The following TBX10 variants were observed in gnomAD, a reference collection of about 807,000 sequenced individuals.
TBX10 encodes the protein T-box transcription factor 10.
A neutral mutation model predicts 32.4 loss-of-function variants in TBX10; 26 were observed. That is an observed-to-expected ratio of 0.80 (90% CI 0.59 to 1.11). TBX10 has a LOEUF of 1.11. Ranked by LOEUF, TBX10 falls within the 50% of genes most tolerant of loss-of-function variation. TBX10 has a pLI of 0.00. For synonymous variants in TBX10, 195 were observed against 203.1 expected, an observed-to-expected ratio of 0.96 and a Z score of 0.34; for missense variants, 490 against 494.5, an observed-to-expected ratio of 0.99 and a Z score of 0.09.
rs763866445 is a variant in TBX10 at position 67,631,737 on chromosome 11, C to A, written c.1026G>T (p.Arg342Ser). 1.2e-6 allele frequency: 2 copies of A among 1,610,204 alleles called. No homozygotes were observed. Among genetic ancestry groups the A allele is most frequent in the Non-Finnish European group, 1.7e-6 (2 of 1,178,672 alleles). Residue 342 changes from arginine to serine, a missense_variant, in exon 8 of 8, where the codon AGG (arginine) becomes AGT (serine). Transcript: ENST00000335385. ...SGAPSHLGIP[R>S]TRPAPYPLPN... ...GGAGGGGGTATGGTGCTGGTCGGGTCCTTGGGATCCCTAGGTGGCTCGGGG... is the reference window on the plus strand; with the variant it reads ...GGAGGGGGTATGGTGCTGGTCGGGTACTTGGGATCCCTAGGTGGCTCGGGG...
rs1290138098 is a variant in TBX10, at chr11:67,631,543, G to T, written c.*62C>A. 5.2e-6 allele frequency: 8 copies of T among 1,542,826 alleles called. No homozygotes were observed. The highest frequency in any genetic ancestry group is 6.1e-6 in the Non-Finnish European group (7 of 1,149,260). On this transcript the variant is annotated 3_prime_UTR_variant, in exon 8 of 8. Transcript: ENST00000335385. ...TGGGGCTGGAGGGGGCGGGGCAGAG[G>T]CTGATTCCCACACCCGGTGTAAGGT...
rs762991674 is a variant in TBX10 at position 67,632,649 on chromosome 11, TG to T, written c.726del (p.Ser243AlafsTer39). On this transcript the variant is annotated frameshift_variant, in exon 6 of 8. Transcript: ENST00000335385. LOFTEE classifies it high-confidence loss of function. ...CTAAAGCCTTTGGCAAAAGGGTTGCTGGCGATTTTCAGCTGGGTGATCTGCA... is the reference window on the plus strand; with the variant it reads ...CTAAAGCCTTTGGCAAAAGGGTTGCTGCGATTTTCAGCTGGGTGATCTGCA... ...QNHRITQLKI[A>X]SNPFAKGFRE... 1 of 1,614,078 alleles carries T rather than the reference TG, an allele frequency of 6.2e-7. No homozygotes were observed. Among genetic ancestry groups the T allele is most frequent in the African/African-American group, 1.3e-5 (1 of 75,066 alleles).
At chr11:67,639,392 T>C in intron 1 of TBX10, 74 bp downstream of exon 1, 1 of 763,534 alleles carries the variant, frequency 1.3e-6, no homozygotes, top group Non-Finnish European at 2.4e-6. Flanking sequence ...GCTGTCTTGG[T>C]TCCCACCCTG....
chr11:67,632,542 C>A, intron 6 of TBX10, 61 bp downstream of exon 6: 2 of 1,601,110 alleles, frequency 1.2e-6, no homozygotes, highest in Non-Finnish European at 1.7e-6. Flanking sequence ...GGGTCAGGAA[C>A]TGAGGCCTTA....
At chr11:67,641,239 T>A (rs1003342453), upstream of TBX10, among the ~76,000 whole-genome samples, 1 of 151,002 alleles carries the variant, frequency 6.6e-6, no homozygotes, top group Non-Finnish European at 1.5e-5. Flanking sequence ...GATACGTGTG[T>A]GTGTGCGATT....
chr11:67,631,658 C>T lies in TBX10; in HGVS notation c.1105G>A (p.Gly369Arg). The T allele has an allele frequency of 6.2e-7, 1 of 1,606,444 alleles. No individual in the cohort carries two copies. The highest frequency in any genetic ancestry group is 8.5e-7 in the Non-Finnish European group (1 of 1,178,012). The change falls in exon 8 of 8, where the codon GGG (glycine) becomes AGG (arginine). Residue 369 changes from glycine to arginine, a missense_variant. By Grantham distance (125) the Gly-to-Arg change is moderately radical. This residue lies in a region of TBX10 where 177 missense variants were observed against 176.6 expected (regional missense o/e 1.00). Coordinates refer to ENST00000335385, the MANE Select transcript of TBX10 (RefSeq NM_005995.5). The stretch of plus-strand genomic sequence containing the variant: ...CACACCACAGTGGGGGACAGGAGCC[C>T]CAGCCCAGCTGGGAGAGGCAGGCCT... ...QGGLPLPAGL[G>R]LLSPTVVCLG...
rs755019737 is a variant in TBX10, at chr11:67,631,760, G to A, written c.1003C>T (p.Pro335Ser). The A allele has an allele frequency of 1.2e-6, 2 of 1,607,456 alleles. No homozygotes were observed. Among genetic ancestry groups the A allele is most frequent in the Non-Finnish European group, 1.7e-6 (2 of 1,177,518 alleles). The change falls in exon 8 of 8, where the codon CCG becomes TCG. Residue 335 changes from proline (P) to serine (S), a missense_variant. By Grantham distance (74) the Pro-to-Ser change is moderately conservative. This residue lies in a region of TBX10 where 177 missense variants were observed against 176.6 expected (regional missense o/e 1.00). Transcript: ENST00000335385. ...VTYQSLYSGA[P>S]SHLGIPRTRP... ...GTCCTTGGGATCCCTAGGTGGCTCG[G>A]GGCTCCAGAGTACAGGCTCTGATAC...
At chr11:67,639,031 A>G (rs1855369291) in intron 1 of TBX10, among the ~76,000 whole-genome samples, 1 of 151,982 alleles carries the variant, frequency 6.6e-6, no homozygotes, top group Non-Finnish European at 1.5e-5. Context: ...GCCCCTCAAC[A>G]CTTTCAGGGA....
At chr11:67,640,035 G>A (rs571977507), upstream of TBX10, among the ~76,000 whole-genome samples, 5 of 152,286 alleles carry the variant, frequency 3.3e-5, no homozygotes, top group East Asian at 7.7e-4. Context: ...AGCAGATTGC[G>A]GGCTGAATGG....
chr11:67,640,819 T>C (rs919078271), upstream of TBX10, among the ~76,000 whole-genome samples: 1 of 152,038 alleles, frequency 6.6e-6, no homozygotes, highest in Non-Finnish European at 1.5e-5. Context: ...CTGAGCGCTA[T>C]GTTCTGGGCG....
rs1855374118 is a variant in TBX10, at chr11:67,639,396, C to T, written c.7+70G>A. 29 of 747,304 alleles carry T rather than the reference C, an allele frequency of 3.9e-5. No homozygotes were observed. In the South Asian group the frequency reaches 4.0e-4, roughly 10 times the overall value. The allele number at this position is 747,304 out of a possible 1,614,324, so 46.3% of individuals were successfully genotyped here. A position where few individuals can be genotyped will look rare whatever the true frequency, so the allele number is the denominator to read the frequency against. On this transcript the variant is annotated intron_variant, in intron 1 of 7. Coordinates refer to ENST00000335385, the MANE Select transcript of TBX10 (RefSeq NM_005995.5). ...GGTTCAGCGGGGCTGTCTTGGTTCC[C>T]ACCCTGCCCACCCACCCTGGAACCT...
At chr11:67,632,891 A>T (rs2134098454) in intron 5 of TBX10, 57 bp downstream of exon 5, 1 of 1,613,402 alleles carries the variant, frequency 6.2e-7, no homozygotes, top group East Asian at 2.2e-5. Context: ...CTCAGGGCTC[A>T]GTCTCCACCC....
chr11:67,639,347 C>T, intron 1 of TBX10, 119 bp downstream of exon 1: 3 of 1,453,810 alleles, frequency 2.1e-6, no homozygotes, highest in South Asian at 1.2e-5. Context: ...GGTGCCCCTG[C>T]CCCACCCTCT....
chr11:67,639,224 A>C (rs1249068335), intron 1 of TBX10, among the ~76,000 whole-genome samples: 4 of 152,170 alleles, frequency 2.6e-5, no homozygotes, highest in Admixed American at 2.6e-4. Context: ...CCGAGGTCAC[A>C]CGTGCCCAGT....
chr11:67,635,394 C>T, intron 1 of TBX10, 131 bp from the exon 2 acceptor site: 4 of 1,307,726 alleles, frequency 3.1e-6, no homozygotes, highest in Non-Finnish European at 4.3e-6. Context: ...CACAGGATCC[C>T]CCACTCAGCA....
At chr11:67,633,451 C>T (rs1208905981) in intron 4 of TBX10, among the ~76,000 whole-genome samples, 1 of 152,116 alleles carries the variant, frequency 6.6e-6, no homozygotes, top group Admixed American at 6.5e-5. Context: ...GCCCGGGAAG[C>T]CACATCATAT....
upstream of TBX10, among the ~76,000 whole-genome samples, chr11:67,641,151 G>A (rs1245397954): frequency 6.6e-6 from 1 of 151,994 alleles, no homozygotes; most frequent in East Asian, 1.9e-4. Flanking sequence ...AGGGAGTTGG[G>A]GGATCCATTC....
Position 67,634,348 on chromosome 11 carries a change from G to A in TBX10, c.390C>T (p.His130=), listed in dbSNP as rs140602591. Residue 130 remains histidine (H), a synonymous_variant, in exon 4 of 8, where the codon CAC becomes CAT. Coordinates refer to ENST00000335385, the MANE Select transcript of TBX10 (RefSeq NM_005995.5). ...TGCCCGCCACCAGCCAGGCCGAGCT[G>A]TGGAAGGCATACCTGGGGAGCACAG... ...LDDKRYRYAF[H]SSAWLVAGKA... 2.0e-5 allele frequency: 32 copies of A among 1,603,654 alleles called. No homozygotes were observed. Among genetic ancestry groups the A allele is most frequent in the Non-Finnish European group, 2.5e-5 (30 of 1,179,828 alleles).
Position 67,631,458 on chromosome 11 carries a change from C to T in TBX10, c.*147G>A. 9.5e-7 allele frequency: 1 copy of T among 1,054,532 alleles called. No homozygotes were observed. Among genetic ancestry groups the T allele is most frequent in the Non-Finnish European group, 1.4e-6 (1 of 728,046 alleles). The allele number at this position is 1,054,532 out of a possible 1,614,324, so 65.3% of individuals were successfully genotyped here. On this transcript the variant is annotated 3_prime_UTR_variant, in exon 8 of 8. Coordinates refer to ENST00000335385, the MANE Select transcript of TBX10 (RefSeq NM_005995.5). ...GCCATGGTCCCAGCCTTGCTGTGAC[C>T]CTGGGCAGGTAGCCTCTTTCTCTAG...
Sources: gnomAD v4.1 joint callset for allele counts (sites outside exome capture counted in the v4.1 genomes callset) on GRCh38, gnomAD v4.1.1 for gene constraint, gnomAD v4.1.1 regional missense constraint, MANE v1.5 for transcripts, NCBI Gene and HGNC (gene_info 2026-07-23, HGNC 2026-07-21) for gene names.